The following ADAMTSL3 variants were observed in gnomAD, a reference collection of about 807,000 sequenced individuals.
ADAMTSL3 encodes the protein ADAMTS-like protein 3.
ADAMTSL3 carries 128 observed loss-of-function variants against 201.7 expected under a neutral mutation model. That is an observed-to-expected ratio of 0.63 (90% CI 0.55 to 0.73). ADAMTSL3 has a LOEUF of 0.73. ADAMTSL3 is among the 30% of genes least tolerant of loss of function. ADAMTSL3 has a pLI of 0.00. For synonymous variants in ADAMTSL3, 738 were observed against 748.4 expected (o/e 0.99, Z 0.23); for missense variants, 1,990 against 2,119.6 (o/e 0.94, Z 1.20).
At chr15:83,720,274 A>G (rs923792474) in intron 3 of ADAMTSL3, among the ~76,000 whole-genome samples, 1 of 152,112 alleles carries the variant, frequency 6.6e-6, no homozygotes, top group Non-Finnish European at 1.5e-5. Flanking sequence ...TTGCCATACT[A>G]CATTGCATAC....
At chr15:84,018,588 G>T (rs1158034058) in intron 25 of ADAMTSL3, among the ~76,000 whole-genome samples, 1 of 152,136 alleles carries the variant, frequency 6.6e-6, no homozygotes, top group Non-Finnish European at 1.5e-5. Context: ...CATTTGTGCA[G>T]AAAAATGAGA....
intron 5 of ADAMTSL3, among the ~76,000 whole-genome samples, chr15:83,816,929 G>A (rs1216693624): frequency 6.6e-6 from 1 of 152,178 alleles, no homozygotes; most frequent in African/African-American, 2.4e-5. Context: ...TCTGGAGGTC[G>A]AGGTTGCAGT....
At chr15:83,962,947 C>T (rs546712427) in intron 19 of ADAMTSL3, among the ~76,000 whole-genome samples, 31 of 152,250 alleles carry the variant, frequency 2.0e-4, no homozygotes, top group African/African-American at 5.3e-4. Context: ...CAAGGGAAGC[C>T]GTGAGGGACT....
At chr15:83,834,742 A>G (rs377636697) in intron 6 of ADAMTSL3, among the ~76,000 whole-genome samples, 2 of 152,356 alleles carry the variant, frequency 1.3e-5, no homozygotes, top group East Asian at 1.9e-4. Context: ...CTCATTAACT[A>G]CACTGTAAGG....
At chr15:83,897,749 T>C (rs2065645851) in intron 13 of ADAMTSL3, 109 bp from the exon 14 acceptor site, 2 of 1,263,536 alleles carry the variant, frequency 1.6e-6, no homozygotes, top group Non-Finnish European at 2.1e-6. Flanking sequence ...TAAAAGTCTT[T>C]TGTGTTTAAC....
intron 2 of ADAMTSL3, among the ~76,000 whole-genome samples, chr15:83,669,518 A>G (rs1277896079): frequency 8.7e-6 from 1 of 115,594 alleles, no homozygotes; most frequent in African/African-American, 3.4e-5. Context: ...CCCAGGCTGG[A>G]GTGCTGTGGC....
intron 3 of ADAMTSL3, among the ~76,000 whole-genome samples, chr15:83,704,720 C>T (rs79591623): frequency 0.045 from 6,876 of 152,290 alleles, 512 homozygotes; most frequent in African/African-American, 0.15. Context: ...TCTGCATTTG[C>T]ATAAAAGTCA....
intron 3 of ADAMTSL3, among the ~76,000 whole-genome samples, chr15:83,736,960 A>G (rs1323923983): frequency 1.3e-5 from 2 of 152,202 alleles, no homozygotes; most frequent in Non-Finnish European, 2.9e-5. Flanking sequence ...AGGACCAAAC[A>G]CAACAGAAGA....
chr15:83,690,716 G>A (rs1596032237), intron 2 of ADAMTSL3, among the ~76,000 whole-genome samples: 8 of 152,256 alleles, frequency 5.3e-5, no homozygotes, highest in Admixed American at 4.6e-4. Flanking sequence ...TGGGAGCATG[G>A]AGTGTCTTGT....
At chr15:83,827,197 G>T (rs1308244758) in intron 6 of ADAMTSL3, among the ~76,000 whole-genome samples, 1 of 152,052 alleles carries the variant, frequency 6.6e-6, no homozygotes, top group Non-Finnish European at 1.5e-5. Flanking sequence ...TTTAATGATC[G>T]CCATTCTAAC....
rs755929465 is a variant in ADAMTSL3, at chr15:83,885,194, A to G, written c.1054A>G (p.Thr352Ala). Reference sequence around the variant, plus strand: ...GAGACAAACTGACTTCTTTCCCTGCACTGTGACGTGTGGAGGAGGTGAGGC... The same window carrying G: ...GAGACAAACTGACTTCTTTCCCTGCGCTGTGACGTGTGGAGGAGGTGAGGC... Reference protein sequence around the residue: ...QWRQTDFFPCTVTCGGGYQLN... With the variant: ...QWRQTDFFPCAVTCGGGYQLN... Residue 352 changes from threonine (T) to alanine (A), a missense_variant, in exon 10 of 30, where the codon ACT becomes GCT. Physicochemically the swap from Thr to Ala is moderately conservative, Grantham distance 58. Transcript: ENST00000286744. The G allele has an allele frequency of 3.1e-6, 5 of 1,613,540 alleles. No individual in the cohort carries two copies. The East Asian group carries it at 8.9e-5, about 29-fold the overall frequency.
chr15:84,031,708 G>A (rs1023155382), intron 28 of ADAMTSL3, among the ~76,000 whole-genome samples: 5 of 152,096 alleles, frequency 3.3e-5, no homozygotes, highest in Admixed American at 6.5e-5. Flanking sequence ...TTGAGAAAAC[G>A]GAGATACTTC....
chr15:83,741,761 C>G (rs1567113006), intron 3 of ADAMTSL3, among the ~76,000 whole-genome samples: 1 of 152,126 alleles, frequency 6.6e-6, no homozygotes, highest in Non-Finnish European at 1.5e-5. Flanking sequence ...CTTTGGGAGG[C>G]TGAAGCGAGA....
At chr15:83,942,548 G>T in intron 17 of ADAMTSL3, 48 bp from the exon 18 acceptor site, 3 of 1,559,244 alleles carry the variant, frequency 1.9e-6, no homozygotes, top group Non-Finnish European at 2.6e-6. Flanking sequence ...ATGGTTGCAC[G>T]TTGGTTTATT....
chr15:83,710,339 A>G (rs1443945285), intron 3 of ADAMTSL3, among the ~76,000 whole-genome samples: 2 of 152,038 alleles, frequency 1.3e-5, no homozygotes, highest in East Asian at 1.9e-4. Flanking sequence ...TTTTGCCTGT[A>G]CTCTCATCTA....
At chr15:83,890,361 G>A in intron 11 of ADAMTSL3, 114 bp downstream of exon 11, 1 of 1,346,908 alleles carries the variant, frequency 7.4e-7, no homozygotes, top group East Asian at 2.4e-5. Flanking sequence ...TTGTCTACTG[G>A]CGGCAGGTGC....
At chr15:83,966,781 A>C (rs1016872254) in intron 19 of ADAMTSL3, among the ~76,000 whole-genome samples, 4 of 152,254 alleles carry the variant, frequency 2.6e-5, no homozygotes, top group Non-Finnish European at 5.9e-5. Flanking sequence ...GAAAATCTTC[A>C]ATAAAATATT....
intron 2 of ADAMTSL3, among the ~76,000 whole-genome samples, chr15:83,691,815 C>T (rs530254764): frequency 2.6e-4 from 39 of 152,156 alleles, no homozygotes; most frequent in Non-Finnish European, 4.0e-4. Context: ...GGTTTCACCA[C>T]GTTGGTCATG....
At chr15:83,722,984 G>A (rs2062122082) in intron 3 of ADAMTSL3, among the ~76,000 whole-genome samples, 1 of 152,092 alleles carries the variant, frequency 6.6e-6, no homozygotes, top group Non-Finnish European at 1.5e-5. Flanking sequence ...TGTATTGATG[G>A]ATTTAACTAC....
Sources: allele counts gnomAD v4.1 joint callset (sites outside exome capture counted in the v4.1 genomes callset), GRCh38; gene constraint gnomAD v4.1.1; transcripts MANE v1.5; gene names NCBI Gene and HGNC (gene_info 2026-07-23, HGNC 2026-07-21).